RPH3A: variants seen among roughly 807,000 people sequenced by gnomAD.
The protein encoded by RPH3A is rabphilin 3A.
In RPH3A, 48 loss-of-function variants were observed where a neutral mutation model predicts 102.2. The observed-to-expected ratio is 0.47, with a 90% CI of 0.37 to 0.60. The LOEUF is 0.60. Ranked by LOEUF, RPH3A falls within the 20% of genes least tolerant of loss-of-function variation. The probability of loss-of-function intolerance (pLI) is 0.00; values close to 1 mark genes in which losing one functional copy is unlikely to be tolerated. For missense variants in RPH3A, 781 were observed against 910.1 expected (o/e 0.86, Z 1.83); for synonymous variants, 310 against 324.3 (o/e 0.96, Z 0.47).
intron 5 of RPH3A, among the ~76,000 whole-genome samples, chr12:112,852,582 C>G (rs1010730241): frequency 1.3e-5 from 2 of 152,106 alleles, no homozygotes; most frequent in Admixed American, 1.3e-4. Context: ...GTCTAAATTC[C>G]AAATTCCTAC....
chr12:112,586,336 C>CA (rs1317123845), intron 1 of RPH3A, among the ~76,000 whole-genome samples: 1 of 152,048 alleles, frequency 6.6e-6, no homozygotes, highest in African/African-American at 2.4e-5. Flanking sequence ...GAGTAACTTG[C>CA]AGGTTGTGCT....
intron 1 of RPH3A, among the ~76,000 whole-genome samples, chr12:112,579,393 A>T (rs1251714299): frequency 6.6e-6 from 1 of 152,128 alleles, no homozygotes. Context: ...TCTCAGAATT[A>T]ATCTGTGGGC....
rs1328739281 is a variant in RPH3A, at chr12:112,890,092, G to A, written c.1620+12G>A. 6.2e-7 allele frequency: 1 copy of A among 1,612,684 alleles called. No homozygotes were observed. The highest frequency in any genetic ancestry group is 8.5e-7 in the Non-Finnish European group (1 of 1,179,468). On this transcript the variant is annotated intron_variant, in intron 18 of 21. Coordinates refer to ENST00000389385, the MANE Select transcript of RPH3A (RefSeq NM_001143854.2). ...TTTATGAGGAAGAGGTGAGCACTGA[G>A]CAGGAATTGAAGCCACAGTCAGGGT... is the stretch of plus-strand genomic sequence containing the variant.
chr12:112,682,418 T>C (rs2040233934), intron 1 of RPH3A, among the ~76,000 whole-genome samples: 1 of 151,564 alleles, frequency 6.6e-6, no homozygotes, highest in South Asian at 2.1e-4. Flanking sequence ...TGACCTTCTT[T>C]ACTCAGTCTA....
chr12:112,798,740 C>T (rs1157846722), intron 2 of RPH3A, among the ~76,000 whole-genome samples: 1 of 151,914 alleles, frequency 6.6e-6, no homozygotes, highest in Non-Finnish European at 1.5e-5. Context: ...TATCTCTCCC[C>T]CTCTCTCTCC....
upstream of RPH3A, among the ~76,000 whole-genome samples, chr12:112,790,222 A>AT (rs1278389112): frequency 1.4e-4 from 22 of 151,796 alleles, no homozygotes; most frequent in East Asian, 3.5e-3. Flanking sequence ...ATGCCCAGCT[A>AT]TTTTTTTGTA....
At chr12:112,641,364 GA>G (rs2039888877) in intron 1 of RPH3A, among the ~76,000 whole-genome samples, 1 of 152,152 alleles carries the variant, frequency 6.6e-6, no homozygotes, top group African/African-American at 2.4e-5. Flanking sequence ...CAGATGTGAA[GA>G]TTGGAATCTT....
intron 19 of RPH3A, among the ~76,000 whole-genome samples, chr12:112,892,094 C>T (rs1565947872): frequency 6.6e-6 from 1 of 152,160 alleles, no homozygotes; most frequent in Non-Finnish European, 1.5e-5. Flanking sequence ...TGTTTAGCAC[C>T]TCAGTAGAAT....
At chr12:112,653,057 C>T (rs142867831) in intron 1 of RPH3A, among the ~76,000 whole-genome samples, 123 of 152,116 alleles carry the variant, frequency 8.1e-4, no homozygotes, top group Middle Eastern at 3.4e-3. Flanking sequence ...TGTATCTAAA[C>T]ATATCTAAAT....
At chr12:112,804,323 C>T (rs2041415782) in intron 2 of RPH3A, among the ~76,000 whole-genome samples, 1 of 152,316 alleles carries the variant, frequency 6.6e-6, no homozygotes, top group South Asian at 2.1e-4. Flanking sequence ...CAGGATCCTT[C>T]CCGGTGGATC....
chr12:112,805,209 A>G (rs560333398), intron 2 of RPH3A, among the ~76,000 whole-genome samples: 1 of 152,334 alleles, frequency 6.6e-6, no homozygotes, highest in South Asian at 2.1e-4. Context: ...ACAGCCCTAA[A>G]TTTGGAAGAA....
chr12:112,731,000 C>T (rs2040629591), intron 1 of RPH3A, among the ~76,000 whole-genome samples: 1 of 152,188 alleles, frequency 6.6e-6, no homozygotes, highest in Non-Finnish European at 1.5e-5. Context: ...CATTGCATTG[C>T]TATGAAATTC....
chr12:112,815,400 T>C (rs1023260699), intron 2 of RPH3A, among the ~76,000 whole-genome samples: 2 of 152,208 alleles, frequency 1.3e-5, no homozygotes, highest in Non-Finnish European at 2.9e-5. Flanking sequence ...AGACCCATAT[T>C]TGAGTCACTG....
chr12:112,870,010 G>C lies in RPH3A; in HGVS notation c.767G>C (p.Gly256Ala). 6.2e-7 allele frequency: 1 copy of C among 1,614,052 alleles called. No homozygotes were observed. Among genetic ancestry groups the C allele is most frequent in the Non-Finnish European group, 8.5e-7 (1 of 1,180,002 alleles). ...TCAGAGAGCTGGGACCACAGTGGGGGTGCTGGAGACTCCAGCCGGAGCCCA... is the reference window on the plus strand; with the variant it reads ...TCAGAGAGCTGGGACCACAGTGGGGCTGCTGGAGACTCCAGCCGGAGCCCA... ...RDSESWDHSG[G>A]AGDSSRSPAG... Residue 256 changes from glycine to alanine, a missense_variant, in exon 10 of 22, where the codon GGT becomes GCT. Around this residue, in one of 2 missense-constraint regions of RPH3A, gnomAD observed 730 missense variants for 810.0 expected, o/e 0.90. Transcript: ENST00000389385.
intron 2 of RPH3A, among the ~76,000 whole-genome samples, chr12:112,820,503 G>A (rs1036140764): frequency 1.3e-5 from 2 of 152,080 alleles, no homozygotes; most frequent in African/African-American, 4.8e-5. Flanking sequence ...TCTAAGCCTC[G>A]GTATCTCCAT....
At chr12:112,799,806 C>G (rs2041306595) in intron 2 of RPH3A, among the ~76,000 whole-genome samples, 1 of 152,174 alleles carries the variant, frequency 6.6e-6, no homozygotes, top group South Asian at 2.1e-4. Flanking sequence ...CAAACTTGAG[C>G]CTGCATCAGA....
At chr12:112,718,548 A>G (rs137875948) in intron 1 of RPH3A, among the ~76,000 whole-genome samples, 82 of 152,330 alleles carry the variant, frequency 5.4e-4, no homozygotes, top group African/African-American at 1.9e-3. Flanking sequence ...CTTTCTCCCC[A>G]GGAGGATTCT....
intron 1 of RPH3A, among the ~76,000 whole-genome samples, chr12:112,752,217 C>T (rs1238192465): frequency 2.0e-5 from 3 of 152,118 alleles, no homozygotes; most frequent in South Asian, 2.1e-4. Context: ...TTATTAAATG[C>T]CCCTCAGTTT....
chr12:112,862,833 A>ACGAGGGC (rs1470941988), intron 5 of RPH3A, among the ~76,000 whole-genome samples: 2 of 152,260 alleles, frequency 1.3e-5, no homozygotes, highest in African/African-American at 4.8e-5. Flanking sequence ...GGCAGGAGCA[A>ACGAGGGC]CGAGGGCCGT....
Sources: allele counts gnomAD v4.1 joint callset (sites outside exome capture counted in the v4.1 genomes callset), GRCh38; gene constraint gnomAD v4.1.1; regional missense constraint gnomAD v4.1.1; transcripts MANE v1.5; gene names NCBI Gene and HGNC (gene_info 2026-07-23, HGNC 2026-07-21).